YTHDF2: variants seen among roughly 807,000 people sequenced by gnomAD.
YTHDF2 encodes the protein YTH N6-methyladenosine RNA binding protein F2, also known as YTH domain-containing family protein 2.
A neutral mutation model predicts 50.4 loss-of-function variants in YTHDF2; 2 were observed. The observed-to-expected ratio is 0.04, with a 90% CI of 0.02 to 0.12. The LOEUF (loss-of-function observed/expected upper bound fraction) is 0.12. YTHDF2 is among the 10% of genes least tolerant of loss of function. YTHDF2 has a pLI of 1.00. For synonymous variants in YTHDF2, 217 were observed against 255.6 expected, an observed-to-expected ratio of 0.85 and a Z score of 1.44; for missense variants, 483 against 722.6, an observed-to-expected ratio of 0.67 and a Z score of 3.80.
intron 4 of YTHDF2, among the ~76,000 whole-genome samples, chr1:28,766,685 C>A (rs970385759): frequency 1.8e-4 from 28 of 151,980 alleles, no homozygotes; most frequent in African/African-American, 6.8e-4. Context: ...ATAATTCTTG[C>A]TTGATTCAGG....
intron 4 of YTHDF2, among the ~76,000 whole-genome samples, chr1:28,762,820 CTATTTTATTT>C (rs914146187): frequency 8.6e-5 from 13 of 152,014 alleles, no homozygotes; most frequent in Non-Finnish European, 1.5e-4. Flanking sequence ...ACTGAATTTT[CTATTTTATTT>C]TATTTTATTT....
intron 4 of YTHDF2, among the ~76,000 whole-genome samples, chr1:28,766,836 CTT>C (rs796715052): frequency 7.8e-5 from 11 of 141,426 alleles, no homozygotes; most frequent in Admixed American, 7.2e-5. Context: ...TTTTCCTTCT[CTT>C]TTTTTTTTTT....
chr1:28,740,430 A>C (rs1197209628), intron 3 of YTHDF2: 1 of 152,240 alleles, frequency 6.6e-6, no homozygotes, highest in Non-Finnish European at 1.5e-5. Context: ...TTTGTTTAAA[A>C]AAAATTTGGC....
chr1:28,747,523 TA>T (rs57710499), intron 4 of YTHDF2, among the ~76,000 whole-genome samples: 49,436 of 119,732 alleles, frequency 0.41, 10,064 homozygotes, highest in East Asian at 0.78. Context: ...AAAACTTGTC[TA>T]AAAAAAAAAA....
At chr1:28,767,668 C>T (rs1246485815) in intron 4 of YTHDF2, among the ~76,000 whole-genome samples, 1 of 151,850 alleles carries the variant, frequency 6.6e-6, no homozygotes, top group Non-Finnish European at 1.5e-5. Flanking sequence ...ACCACCACGC[C>T]TGGCTAATTT....
intron 3 of YTHDF2, among the ~76,000 whole-genome samples, chr1:28,741,089 C>A (rs1016347527): frequency 6.6e-6 from 1 of 152,034 alleles, no homozygotes; most frequent in Non-Finnish European, 1.5e-5. Flanking sequence ...CCTCTGTCTC[C>A]TGAGTTCAAG....
chr1:28,742,939 C>T lies in YTHDF2; in HGVS notation c.669C>T (p.Ser223=). ...SGSITSNIVA[S]NSLPPATIAP... is the part of the protein sequence containing the mutation. ...CCATTACTAGTAACATCGTGGCTTCCAATAGTTTGCCTCCAGCCACCATTG... is the reference window on the plus strand; with the variant it reads ...CCATTACTAGTAACATCGTGGCTTCTAATAGTTTGCCTCCAGCCACCATTG... The change falls in exon 4 of 5, where the codon TCC becomes TCT. Residue 223 remains serine (S), a synonymous_variant. Transcript: ENST00000373812. 1.9e-6 allele frequency: 3 copies of T among 1,614,124 alleles called. No homozygotes were observed. The highest frequency in any genetic ancestry group is 2.5e-6 in the Non-Finnish European group (3 of 1,180,032).
At position 28,759,950 on chromosome 1, in the gene YTHDF2, T is replaced by G. The variant is rs72663870; in HGVS notation, c.1717-8979T>G. On this transcript the variant is annotated intron_variant, in intron 4 of 4. Transcript: ENST00000373812. ...CAGCGTGGGCAACAGAGCGAGACTC[T>G]TGTCTTTAAAAAAAGAAAAACAAAA... Among the ~76,000 whole-genome samples the G allele has an allele frequency of 5.2e-3, 791 of 152,296 alleles. 4 individuals are homozygous for G. The highest frequency in any genetic ancestry group is 0.048 in the Middle Eastern group (14 of 294).
intron 1 of YTHDF2, 129 bp downstream of exon 1, chr1:28,737,276 C>T (rs1315380215): frequency 5.6e-6 from 7 of 1,260,470 alleles, no homozygotes; most frequent in South Asian, 4.7e-5. Flanking sequence ...AGGTTTCGGG[C>T]CTCTCAGGCC....
intron 4 of YTHDF2, among the ~76,000 whole-genome samples, chr1:28,749,782 C>T (rs1191291678): frequency 6.6e-6 from 1 of 151,728 alleles, no homozygotes; most frequent in Non-Finnish European, 1.5e-5. Flanking sequence ...TAATTGGGTA[C>T]TTGGGTAAAT....
intron 3 of YTHDF2, among the ~76,000 whole-genome samples, chr1:28,739,492 G>T (rs936055420): frequency 2.0e-5 from 3 of 151,126 alleles, no homozygotes; most frequent in African/African-American, 7.3e-5. Context: ...AGAGATGGGG[G>T]TTTCACTATG....
chr1:28,740,844 C>T (rs950983568), intron 3 of YTHDF2, among the ~76,000 whole-genome samples: 1 of 151,874 alleles, frequency 6.6e-6, no homozygotes, highest in Non-Finnish European at 1.5e-5. Context: ...GCTGGGACTA[C>T]AGGCGCCCGC....
intron 4 of YTHDF2, among the ~76,000 whole-genome samples, chr1:28,760,507 G>C (rs1380065747): frequency 6.6e-6 from 1 of 151,974 alleles, no homozygotes; most frequent in Non-Finnish European, 1.5e-5. Context: ...TGTTAGCCAG[G>C]ATGGTCTGAA....
chr1:28,747,821 C>T (rs12732574), intron 4 of YTHDF2, among the ~76,000 whole-genome samples: 2 of 151,632 alleles, frequency 1.3e-5, no homozygotes, highest in African/African-American at 2.4e-5. Context: ...TTAGTTTACT[C>T]TCTTGTAAGA....
chr1:28,765,433 G>GTT (rs10659213), intron 4 of YTHDF2, among the ~76,000 whole-genome samples: 94,633 of 151,738 alleles, frequency 0.62, 30,974 homozygotes, highest in African/African-American at 0.8. Flanking sequence ...TTTAAAAAAA[G>GTT]TTTTGAGAGA....
chr1:28,762,376 A>C (rs2088149747), intron 4 of YTHDF2, among the ~76,000 whole-genome samples: 1 of 152,238 alleles, frequency 6.6e-6, no homozygotes, highest in Non-Finnish European at 1.5e-5. Context: ...TGGGCAACAG[A>C]GCGAGACTCT....
rs147847077 is a variant in YTHDF2 at position 28,744,725 on chromosome 1, G to A, written c.1716+739G>A. Among the ~76,000 whole-genome samples, 427 of 152,158 alleles carry A rather than the reference G, an allele frequency of 2.8e-3. 1 individual carries two copies. Among genetic ancestry groups the A allele is most frequent in the Non-Finnish European group, 5.1e-3 (347 of 68,000 alleles). ...TCTCTGTTGCCCAGGCTGGAGTGCA[G>A]TGGCATGATGTCCGCCCACTCCAGC... On this transcript the variant is annotated intron_variant, in intron 4 of 4. Coordinates refer to ENST00000373812, the MANE Select transcript of YTHDF2 (RefSeq NM_016258.3).
At position 28,737,091 on chromosome 1, in the gene YTHDF2, G is replaced by A; in HGVS notation, c.-30G>A. The A allele has an allele frequency of 6.3e-7, 1 of 1,587,480 alleles. No homozygotes were observed. The highest frequency in any genetic ancestry group is 2.3e-5 in the East Asian group (1 of 43,416). ...GCCGCCGCGCTGAGGAGAGTTCGCC[G>A]CCGTCGCCGCCCGTGAGGATCTGAG... On this transcript the variant is annotated 5_prime_UTR_variant, in exon 1 of 5. Coordinates refer to ENST00000373812, the MANE Select transcript of YTHDF2 (RefSeq NM_016258.3).
At chr1:28,762,447 A>G (rs2124204908) in intron 4 of YTHDF2, among the ~76,000 whole-genome samples, 1 of 152,314 alleles carries the variant, frequency 6.6e-6, no homozygotes, top group African/African-American at 2.4e-5. Context: ...TAAGCATTTT[A>G]TATTGTCAGC....
Sources: allele counts gnomAD v4.1 joint callset (sites outside exome capture counted in the v4.1 genomes callset), GRCh38; gene constraint gnomAD v4.1.1; transcripts MANE v1.5; gene names NCBI Gene and HGNC (gene_info 2026-07-23, HGNC 2026-07-21).